Variants in RNF216 observed in about 807,000 individuals in gnomAD.
RNF216 encodes ring finger protein 216, also known as E3 ubiquitin-protein ligase RNF216.
A neutral mutation model predicts 110.8 loss-of-function variants in RNF216; 72 were observed. The ratio of observed to expected loss-of-function variants is 0.65; its 90% CI spans 0.54 to 0.79. The LOEUF is 0.79. Ranked by LOEUF, RNF216 falls within the 30% of genes least tolerant of loss-of-function variation. RNF216 has a pLI of 0.00. For missense variants in RNF216, 1,342 were observed against 1,141.2 expected, an observed-to-expected ratio of 1.18 and a Z score of -2.54; for synonymous variants, 495 against 407.5, an observed-to-expected ratio of 1.21 and a Z score of -2.59.
intron 15 of RNF216, among the ~76,000 whole-genome samples, chr7:5,627,582 C>T (rs1045725806): frequency 2.0e-5 from 3 of 152,076 alleles, no homozygotes; most frequent in African/African-American, 7.2e-5. Flanking sequence ...CCTGTCTCTA[C>T]TAACAATACA....
At chr7:5,651,472 T>A (rs138706236) in intron 14 of RNF216, among the ~76,000 whole-genome samples, 2 of 152,120 alleles carry the variant, frequency 1.3e-5, no homozygotes, top group Admixed American at 6.6e-5. Context: ...GCTCAAGCGA[T>A]CTACCTGCCT....
At chr7:5,695,672 T>C (rs1406478696) in intron 13 of RNF216, among the ~76,000 whole-genome samples, 1 of 152,174 alleles carries the variant, frequency 6.6e-6, no homozygotes, top group Non-Finnish European at 1.5e-5. Flanking sequence ...TGTTGTGGTT[T>C]TGGCAGCCAC....
intron 15 of RNF216, 76 bp downstream of exon 15, chr7:5,641,078 T>A: frequency 8.5e-7 from 1 of 1,177,624 alleles, no homozygotes. Context: ...TTGTTACGTA[T>A]ATTCAAAATA....
chr7:5,663,016 C>A (rs1789251342), intron 13 of RNF216, among the ~76,000 whole-genome samples: 1 of 152,154 alleles, frequency 6.6e-6, no homozygotes, highest in Admixed American at 6.5e-5. Flanking sequence ...CTAAGAATAT[C>A]TCTTCTCCTC....
chr7:5,709,815 C>T (rs979676122), intron 13 of RNF216, among the ~76,000 whole-genome samples: 3 of 152,110 alleles, frequency 2.0e-5, no homozygotes, highest in East Asian at 1.9e-4. Flanking sequence ...AGTGCAGTGG[C>T]GCAATCATGG....
intron 9 of RNF216, among the ~76,000 whole-genome samples, chr7:5,720,306 A>G (rs958409083): frequency 2.0e-5 from 3 of 152,198 alleles, no homozygotes; most frequent in South Asian, 4.1e-4. Flanking sequence ...CCATGAAGAT[A>G]AAGACCTTCT....
At chr7:5,747,876 T>G (rs1327921955) in intron 3 of RNF216, among the ~76,000 whole-genome samples, 1 of 150,872 alleles carries the variant, frequency 6.6e-6, no homozygotes, top group Non-Finnish European at 1.5e-5. Flanking sequence ...ATTCCTGAGC[T>G]CAAGTGATCC....
At position 5,622,488 on chromosome 7, in the gene RNF216, T is replaced by C. The variant is rs1786430079; in HGVS notation, c.*372A>G. 5.3e-6 allele frequency: 1 copy of C among 189,358 alleles called. No homozygotes were observed. The highest frequency in any genetic ancestry group is 1.1e-5 in the Non-Finnish European group (1 of 92,676). The allele number at this position is 189,358 out of a possible 1,614,324, so 11.7% of individuals were successfully genotyped here. A position where few individuals can be genotyped will look rare whatever the true frequency, so the allele number is the denominator to read the frequency against. ...CCAACCGTGGGCCCCTCCAGGGAGATGCTCTCGGCTGCCTTGCTACCCAGG... is the reference window on the plus strand; with the variant it reads ...CCAACCGTGGGCCCCTCCAGGGAGACGCTCTCGGCTGCCTTGCTACCCAGG... On this transcript the variant is annotated 3_prime_UTR_variant, in exon 17 of 17. Coordinates refer to ENST00000389902, the MANE Select transcript of RNF216 (RefSeq NM_207111.4).
At chr7:5,716,089 G>A (rs1378317230) in intron 10 of RNF216, among the ~76,000 whole-genome samples, 1 of 152,072 alleles carries the variant, frequency 6.6e-6, no homozygotes, top group African/African-American at 2.4e-5. Flanking sequence ...ATGGGGTGCT[G>A]CTATGTTGAC....
intron 1 of RNF216, among the ~76,000 whole-genome samples, chr7:5,772,929 C>A (rs1796574939): frequency 6.6e-6 from 1 of 152,062 alleles, no homozygotes; most frequent in Admixed American, 6.6e-5. Flanking sequence ...CAGGCATGCG[C>A]CACCATGTCT....
intron 13 of RNF216, among the ~76,000 whole-genome samples, chr7:5,675,429 G>A (rs2128600060): frequency 6.6e-6 from 1 of 152,244 alleles, no homozygotes; most frequent in East Asian, 1.9e-4. Flanking sequence ...CTTGAGGCCA[G>A]GAGTTTGAGA....
At position 5,693,086 on chromosome 7, in the gene RNF216, C is replaced by T. The variant is rs553732385; in HGVS notation, c.2061+18675G>A. On this transcript the variant is annotated intron_variant, in intron 13 of 16. Transcript: ENST00000389902. Reference sequence around the variant, plus strand: ...TCCATATTTGCACAACGGGATTCCACGTCATTCTTTTAAACGCTATGGTAT... The same window carrying T: ...TCCATATTTGCACAACGGGATTCCATGTCATTCTTTTAAACGCTATGGTAT... 2.5e-4 allele frequency among the ~76,000 whole-genome samples: 38 copies of T among 152,316 alleles called. No homozygotes were observed. In the South Asian group the frequency reaches 5.6e-3, roughly 22 times the overall value.
intron 10 of RNF216, 114 bp downstream of exon 10, chr7:5,716,602 C>T: frequency 1.3e-6 from 1 of 755,624 alleles, no homozygotes; most frequent in Non-Finnish European, 2.2e-6. Flanking sequence ...TGCAAACTCA[C>T]CAAACAGGAG....
At chr7:5,764,865 G>A (rs1226216113) in intron 1 of RNF216, among the ~76,000 whole-genome samples, 1 of 151,846 alleles carries the variant, frequency 6.6e-6, no homozygotes, top group Non-Finnish European at 1.5e-5. Flanking sequence ...TCAGAAATTC[G>A]AGACCAGCCT....
intron 1 of RNF216, among the ~76,000 whole-genome samples, chr7:5,777,321 G>A (rs1337982012): frequency 6.6e-6 from 1 of 152,154 alleles, no homozygotes; most frequent in African/African-American, 2.4e-5. Flanking sequence ...GTATTAGGGT[G>A]GTTTGTTATA....
chr7:5,741,783 G>T lies in RNF216; in HGVS notation c.234C>A (p.Leu78=), dbSNP rs137996886. The change falls in exon 4 of 17, where the codon CTC becomes CTA. Residue 78 remains leucine, a synonymous_variant. Coordinates refer to ENST00000389902, the MANE Select transcript of RNF216 (RefSeq NM_207111.4). ...TNKPQRSRPN[L]IKPAAQWQDL... ...CTTGCCACTGGGCAGCTGGTTTGATGAGATTGGGTCGTGATCTCTGAGGTT... is the reference window on the plus strand; with the variant it reads ...CTTGCCACTGGGCAGCTGGTTTGATTAGATTGGGTCGTGATCTCTGAGGTT... 1 of 1,613,618 alleles carries T rather than the reference G, an allele frequency of 6.2e-7. No homozygotes were observed. Among genetic ancestry groups the T allele is most frequent in the South Asian group, 1.1e-5 (1 of 90,950 alleles).
At chr7:5,648,682 A>G (rs867114982) in intron 14 of RNF216, among the ~76,000 whole-genome samples, 1 of 150,774 alleles carries the variant, frequency 6.6e-6, no homozygotes, top group Non-Finnish European at 1.5e-5. Context: ...GAGCCGAGAT[A>G]GCGCCACTGC....
At position 5,752,799 on chromosome 7, in the gene RNF216, T is replaced by C. The variant is rs75644820; in HGVS notation, c.201+47A>G. ...CCACAAGAGTGGCTGAAAAATCAGA[T>C]CACCAACTTGCAATAATGTCTCATT... is the stretch of plus-strand genomic sequence containing the variant. On this transcript the variant is annotated intron_variant, in intron 3 of 16. Coordinates refer to ENST00000389902, the MANE Select transcript of RNF216 (RefSeq NM_207111.4). 3.1e-3 allele frequency: 4,884 copies of C among 1,594,420 alleles called. 108 individuals are homozygous for C. The African/African-American group carries it at 0.057, about 19-fold the overall frequency.
chr7:5,736,385 G>A (rs551932642), intron 5 of RNF216, among the ~76,000 whole-genome samples: 2 of 152,320 alleles, frequency 1.3e-5, no homozygotes, highest in South Asian at 2.1e-4. Flanking sequence ...GCCTCCCGAG[G>A]TGCCGGGATT....
Sources: gnomAD v4.1 joint callset for allele counts (sites outside exome capture counted in the v4.1 genomes callset) on GRCh38, gnomAD v4.1.1 for gene constraint, MANE v1.5 for transcripts, NCBI Gene and HGNC (gene_info 2026-07-23, HGNC 2026-07-21) for gene names.